Variants in SYNE2 observed in about 807,000 individuals in gnomAD.
SYNE2 encodes nesprin-2.
SYNE2 carries 431 observed loss-of-function variants against 856.3 expected under a neutral mutation model. That is an observed-to-expected ratio of 0.50 (90% confidence interval 0.47 to 0.55). SYNE2 has a LOEUF of 0.55. Ranked by LOEUF, SYNE2 falls within the 20% of genes least tolerant of loss-of-function variation. The probability of loss-of-function intolerance (pLI) is 0.00; values close to 1 mark genes in which losing one functional copy is unlikely to be tolerated. For missense variants in SYNE2, 8,129 were observed against 8,023.2 expected (o/e 1.01, Z -0.50); for synonymous variants, 2,923 against 2,872.3 (o/e 1.02, Z -0.56).
chr14:64,212,996 C>T lies in SYNE2; in HGVS notation c.19047C>T (p.Ser6349=). ...RVSRFHRRLT[S]CTPGLEDEKE... Reference sequence around the variant, plus strand: ...CCCGGTTCCACCGGCGGCTCACCTCCTGCACTCCGGTACGGGCACTGCTGC... The same window carrying T: ...CCCGGTTCCACCGGCGGCTCACCTCTTGCACTCCGGTACGGGCACTGCTGC... Residue 6349 remains serine (S), a synonymous_variant, in exon 105 of 116, where the codon TCC becomes TCT. Coordinates refer to ENST00000555002, the MANE Select transcript of SYNE2 (RefSeq NM_182914.3). 6.2e-7 allele frequency: 1 copy of T among 1,613,402 alleles called. No individual in the cohort carries two copies.
intron 86 of SYNE2, 144 bp downstream of exon 86, chr14:64,158,939 G>T (rs1202613748): frequency 2.1e-6 from 2 of 943,802 alleles, no homozygotes; most frequent in Non-Finnish European, 3.3e-6. Context: ...AGAATAACTG[G>T]AAATTCCAAA....
rs377410486 is a variant in SYNE2, at chr14:64,225,051, G to C, written c.20516+6G>C. The stretch of plus-strand genomic sequence containing the variant: ...GAGGAGGAGACAGAGAGCAGGTAAC[G>C]GGGCTTTACCGTGACAGCAGTGCGT... On this transcript the variant is annotated splice_donor_region_variant and intron_variant, in intron 115 of 115. Transcript: ENST00000555002. 6.2e-7 allele frequency: 1 copy of C among 1,613,910 alleles called. No homozygotes were observed. Among genetic ancestry groups the C allele is most frequent in the African/African-American group, 1.3e-5 (1 of 74,994 alleles).
intron 27 of SYNE2, among the ~76,000 whole-genome samples, chr14:63,999,730 A>T (rs775842157): frequency 1.3e-5 from 2 of 152,226 alleles, no homozygotes; most frequent in South Asian, 4.1e-4. Flanking sequence ...CCCTGAGTGC[A>T]TTAGAGGGAA....
intron 1 of SYNE2, among the ~76,000 whole-genome samples, chr14:63,820,194 A>G (rs1269556959): frequency 6.6e-6 from 1 of 152,200 alleles, no homozygotes; most frequent in Non-Finnish European, 1.5e-5. Flanking sequence ...TTACAAATTC[A>G]TGGAAGTCAA....
chr14:63,976,323 T>A (rs1238131461), intron 11 of SYNE2, among the ~76,000 whole-genome samples: 1 of 152,194 alleles, frequency 6.6e-6, no homozygotes, highest in Admixed American at 6.5e-5. Context: ...AACGTTTGTT[T>A]TTTCTTATGC....
chr14:63,842,359 C>T (rs1025371607), intron 1 of SYNE2, among the ~76,000 whole-genome samples: 3 of 151,546 alleles, frequency 2.0e-5, no homozygotes, highest in Non-Finnish European at 4.4e-5. Flanking sequence ...GCCATGTTGT[C>T]CAGGCTGGTC....
intron 1 of SYNE2, among the ~76,000 whole-genome samples, chr14:63,887,142 G>T (rs939813398): frequency 6.6e-6 from 1 of 152,040 alleles, no homozygotes; most frequent in African/African-American, 2.4e-5. Context: ...TTAGCTGGGC[G>T]TAGTGGCCTG....
chr14:63,968,529 G>A (rs2096427724), intron 11 of SYNE2, among the ~76,000 whole-genome samples: 1 of 152,106 alleles, frequency 6.6e-6, no homozygotes, highest in Non-Finnish European at 1.5e-5. Context: ...GGATGAATTT[G>A]TGCATGTGTG....
intron 33 of SYNE2, 120 bp downstream of exon 33, chr14:64,016,751 T>C (rs1047511669): frequency 1.6e-5 from 12 of 734,148 alleles, no homozygotes; most frequent in Non-Finnish European, 2.7e-5. Flanking sequence ...TCAAATTATA[T>C]AAAACTTAGG....
At position 64,100,532 on chromosome 14, in the gene SYNE2, ATATATATATAT is replaced by A. The variant is rs1429178187; in HGVS notation, c.12382-1399_12382-1389del. Among the ~76,000 whole-genome samples the A allele has an allele frequency of 1.8e-3, 76 of 43,184 alleles. 4 individuals carry two copies. The highest frequency in any genetic ancestry group is 4.5e-3 in the African/African-American group (54 of 12,060). 28.3% of individuals were successfully genotyped at this position (43,184 alleles called of 152,430 possible). A position where few individuals can be genotyped will look rare whatever the true frequency, so the allele number is the denominator to read the frequency against. ...ACTGTCTCAAAAAAAAAAAAAAAAA[ATATATATATAT>A]ATATATATATATATATATATATATA... is the stretch of plus-strand genomic sequence containing the variant. On this transcript the variant is annotated intron_variant, in intron 63 of 115. Transcript: ENST00000555002.
intron 32 of SYNE2, among the ~76,000 whole-genome samples, chr14:64,013,795 G>T (rs1024872313): frequency 2.6e-5 from 4 of 152,078 alleles, no homozygotes; most frequent in African/African-American, 7.2e-5. Context: ...TAATATTAAT[G>T]TTTAAATTAG....
chr14:63,931,742 A>G (rs1178444918), intron 2 of SYNE2, among the ~76,000 whole-genome samples: 1 of 152,124 alleles, frequency 6.6e-6, no homozygotes, highest in Non-Finnish European at 1.5e-5. Context: ...GCTGAGGGGA[A>G]GCAAAAACAC....
intron 11 of SYNE2, among the ~76,000 whole-genome samples, chr14:63,971,082 C>T (rs988970255): frequency 6.7e-6 from 1 of 149,876 alleles, no homozygotes; most frequent in African/African-American, 2.5e-5. Context: ...TTATAATATA[C>T]ATTATAAAAT....
intron 9 of SYNE2, among the ~76,000 whole-genome samples, chr14:63,963,453 T>G (rs2096349015): frequency 6.6e-6 from 1 of 152,234 alleles, no homozygotes. Context: ...AAAGTAATTG[T>G]TGTTCACATC....
rs910956163 is a variant in SYNE2, at chr14:64,055,222, G to T, written c.9745-722G>T. ...CATTTGTTCACAAATACTGATTAAG[G>T]TTATATACATTAAATGTAATCCATT... On this transcript the variant is annotated intron_variant, in intron 48 of 115. Transcript: ENST00000555002. 2.6e-5 allele frequency among the ~76,000 whole-genome samples: 4 copies of T among 152,092 alleles called. No homozygotes were observed. The South Asian group carries it at 6.2e-4, about 24-fold the overall frequency.
intron 99 of SYNE2, among the ~76,000 whole-genome samples, chr14:64,198,130 T>C (rs1249371197): frequency 6.6e-6 from 1 of 152,184 alleles, no homozygotes; most frequent in Non-Finnish European, 1.5e-5. Flanking sequence ...AGAAAGGTTA[T>C]TTGTTGAAAT....
intron 2 of SYNE2, among the ~76,000 whole-genome samples, chr14:63,915,748 G>T (rs908249972): frequency 6.6e-6 from 1 of 151,944 alleles, no homozygotes; most frequent in Non-Finnish European, 1.5e-5. Flanking sequence ...GTGTCTTCTC[G>T]GTAGGTATCC....
chr14:64,150,329 C>G (rs980824292), intron 84 of SYNE2, among the ~76,000 whole-genome samples: 4 of 131,694 alleles, frequency 3.0e-5, no homozygotes, highest in Admixed American at 2.4e-4. Flanking sequence ...AAAGGATCCT[C>G]CCGCCTCAGC....
intron 99 of SYNE2, chr14:64,202,102 G>A (rs968159048): frequency 8.0e-5 from 55 of 685,004 alleles, no homozygotes; most frequent in Middle Eastern, 3.5e-4. Flanking sequence ...GAGTTGGGCC[G>A]GATGGGAGCT....
Sources: allele counts gnomAD v4.1 joint callset (sites outside exome capture counted in the v4.1 genomes callset), GRCh38; gene constraint gnomAD v4.1.1; transcripts MANE v1.5; gene names NCBI Gene and HGNC (gene_info 2026-07-23, HGNC 2026-07-21).